EIF4G3: variants seen among roughly 807,000 people sequenced by gnomAD.
EIF4G3 encodes eIF-4-gamma 3.
Under a neutral mutation model 186.4 loss-of-function variants are expected in EIF4G3, and 34 were observed. The ratio of observed to expected loss-of-function variants is 0.18; its 90% CI spans 0.14 to 0.24. The LOEUF is 0.24. Ranked by LOEUF, EIF4G3 falls within the 10% of genes least tolerant of loss-of-function variation. EIF4G3 has a pLI of 1.00. For synonymous variants in EIF4G3, 673 were observed against 679.5 expected (o/e 0.99, Z 0.15); for missense variants, 1,536 against 1,948.5 (o/e 0.79, Z 3.99).
intron 2 of EIF4G3, among the ~76,000 whole-genome samples, chr1:21,171,256 G>A (rs141505228): frequency 1.3e-5 from 2 of 152,274 alleles, no homozygotes; most frequent in African/African-American, 4.8e-5. Context: ...TATTATATTA[G>A]CTCAAAGTAT....
chr1:20,917,728 T>A (rs2094044085), intron 14 of EIF4G3, among the ~76,000 whole-genome samples: 1 of 152,138 alleles, frequency 6.6e-6, no homozygotes, highest in Admixed American at 6.5e-5. Context: ...CTGTTAAAAG[T>A]GATCAAATAT....
At chr1:21,033,680 T>C (rs551873064) in intron 4 of EIF4G3, among the ~76,000 whole-genome samples, 1 of 152,356 alleles carries the variant, frequency 6.6e-6, no homozygotes, top group Non-Finnish European at 1.5e-5. Flanking sequence ...CTTTATGTAA[T>C]GCAGCCTTTA....
chr1:21,122,605 T>C (rs1175735851), intron 2 of EIF4G3, among the ~76,000 whole-genome samples: 1 of 152,196 alleles, frequency 6.6e-6, no homozygotes, highest in Non-Finnish European at 1.5e-5. Context: ...CTTCAGCAGT[T>C]AGCACACTGA....
chr1:20,892,752 A>C (rs2086529306), intron 18 of EIF4G3: 1 of 1,459,080 alleles, frequency 6.9e-7, no homozygotes, highest in Non-Finnish European at 9.3e-7. Flanking sequence ...AGACAAAGAC[A>C]TGATCATTAG....
At chr1:21,010,440 AAAAGAAAAAG>A (rs1414887717) in intron 4 of EIF4G3, among the ~76,000 whole-genome samples, 140 of 144,212 alleles carry the variant, frequency 9.7e-4, no homozygotes, top group African/African-American at 2.9e-3. Flanking sequence ...AAAAAAAAGA[AAAAGAAAAAG>A]AAAGAAAAAG....
At chr1:20,925,210 A>C (rs1190484126) in intron 14 of EIF4G3, among the ~76,000 whole-genome samples, 1 of 152,204 alleles carries the variant, frequency 6.6e-6, no homozygotes, top group East Asian at 1.9e-4. Flanking sequence ...AGTAAAACTC[A>C]TTTGTAAGAT....
chr1:20,842,256 C>A (rs974122222), intron 29 of EIF4G3, among the ~76,000 whole-genome samples: 9 of 152,216 alleles, frequency 5.9e-5, no homozygotes, highest in African/African-American at 2.2e-4. Context: ...GAGAACCCGA[C>A]TTTACATGTT....
chr1:20,901,783 T>C (rs1385783680), intron 15 of EIF4G3, among the ~76,000 whole-genome samples: 2 of 152,112 alleles, frequency 1.3e-5, no homozygotes, highest in Non-Finnish European at 2.9e-5. Context: ...AGTCAACTAG[T>C]CTGTACAGTT....
chr1:20,926,891 G>A (rs2094937736), intron 14 of EIF4G3, among the ~76,000 whole-genome samples: 1 of 151,976 alleles, frequency 6.6e-6, no homozygotes, highest in Non-Finnish European at 1.5e-5. Flanking sequence ...TCCTGGAGAT[G>A]TAAAAGAAGT....
At chr1:21,068,333 C>T (rs1484866728) in intron 3 of EIF4G3, among the ~76,000 whole-genome samples, 2 of 136,436 alleles carry the variant, frequency 1.5e-5, no homozygotes, top group African/African-American at 5.3e-5. Flanking sequence ...CGTACCACTG[C>T]ACCTGCACTC....
chr1:20,862,736 G>T lies in EIF4G3; in HGVS notation c.3007-404C>A, dbSNP rs947140342. ...CCCATGTAGTTTTCTAAATGGTCTAGGAATATCAATTTATAGCCAAAATAT... is the reference window on the plus strand; with the variant it reads ...CCCATGTAGTTTTCTAAATGGTCTATGAATATCAATTTATAGCCAAAATAT... On this transcript the variant is annotated intron_variant, in intron 22 of 36. Transcript: ENST00000602326. 5.9e-5 allele frequency among the ~76,000 whole-genome samples: 9 copies of T among 152,122 alleles called. No individual in the cohort carries two copies. The East Asian group carries it at 1.5e-3, about 26-fold the overall frequency.
chr1:20,901,289 C>T (rs1344841402), intron 15 of EIF4G3, among the ~76,000 whole-genome samples: 1 of 152,062 alleles, frequency 6.6e-6, no homozygotes, highest in Non-Finnish European at 1.5e-5. Flanking sequence ...CATGAATCAG[C>T]AGCCTCATTT....
chr1:21,096,378 C>T (rs914084557), intron 2 of EIF4G3, among the ~76,000 whole-genome samples: 1 of 152,156 alleles, frequency 6.6e-6, no homozygotes, highest in African/African-American at 2.4e-5. Context: ...AAAACAAAGA[C>T]TCACAAGGAG....
chr1:20,893,949 G>A (rs1252746725), intron 17 of EIF4G3, among the ~76,000 whole-genome samples: 2 of 149,746 alleles, frequency 1.3e-5, no homozygotes, highest in Non-Finnish European at 3.0e-5. Context: ...AAGATATTTT[G>A]AGATCCTCTA....
intron 3 of EIF4G3, among the ~76,000 whole-genome samples, chr1:21,064,377 C>A (rs184092544): frequency 2.1e-4 from 32 of 152,282 alleles, no homozygotes. Context: ...CAAGTGGCCA[C>A]TCAGATGTTT....
At chr1:21,049,112 T>C (rs1389455512) in intron 4 of EIF4G3, among the ~76,000 whole-genome samples, 1 of 152,200 alleles carries the variant, frequency 6.6e-6, no homozygotes, top group African/African-American at 2.4e-5. Context: ...AAGGAGCCTT[T>C]TAGCCATTGT....
At chr1:21,161,312 T>C (rs1403119063) in intron 2 of EIF4G3, among the ~76,000 whole-genome samples, 3 of 151,820 alleles carry the variant, frequency 2.0e-5, no homozygotes, top group Non-Finnish European at 2.9e-5. Flanking sequence ...AAGACCAGCC[T>C]GGCCAACATG....
chr1:20,899,636 A>C, intron 16 of EIF4G3, 61 bp downstream of exon 16: 21 of 1,574,342 alleles, frequency 1.3e-5, no homozygotes, highest in Non-Finnish European at 1.8e-5. Flanking sequence ...AAGAGGCAAC[A>C]TTTCTCTAAG....
chr1:20,876,944 G>C (rs1231276783), intron 20 of EIF4G3, among the ~76,000 whole-genome samples: 4 of 152,046 alleles, frequency 2.6e-5, no homozygotes, highest in Non-Finnish European at 5.9e-5. Context: ...CATGCTACTG[G>C]ACTCCAGCCT....
Sources: allele counts gnomAD v4.1 joint callset (sites outside exome capture counted in the v4.1 genomes callset), GRCh38; gene constraint gnomAD v4.1.1; transcripts MANE v1.5; gene names NCBI Gene and HGNC (gene_info 2026-07-23, HGNC 2026-07-21).